ANKRD36C: variants seen among roughly 807,000 people sequenced by gnomAD.
ANKRD36C encodes ankyrin repeat domain-containing protein 36C.
A neutral mutation model predicts 276.4 loss-of-function variants in ANKRD36C; 61 were observed. The ratio of observed to expected loss-of-function variants is 0.22; its 90% confidence interval spans 0.18 to 0.27. The LOEUF (loss-of-function observed/expected upper bound fraction) is 0.27. Among genes scored for constraint, ANKRD36C ranks in the 10% least tolerant of loss-of-function variants. The pLI is 1.00. For missense variants in ANKRD36C, 1,447 were observed against 2,032.3 expected, an observed-to-expected ratio of 0.71 and a Z score of 5.54; for synonymous variants, 483 against 680.1, an observed-to-expected ratio of 0.71 and a Z score of 4.51.
chr2:95,955,879 C>T (rs1438124264), intron 13 of ANKRD36C, among the ~76,000 whole-genome samples: 1 of 152,138 alleles, frequency 6.6e-6, no homozygotes, highest in Non-Finnish European at 1.5e-5. Flanking sequence ...AAATTCTAAG[C>T]ACCTCTGATT....
chr2:95,982,272 C>T (rs1179354220), exon 4 of ANKRD36C: 49 of 1,547,338 alleles, frequency 3.2e-5, no homozygotes, highest in Admixed American at 7.9e-5. Context: ...AGATAATCAA[C>T]GGCATTTATA....
intron 48 of ANKRD36C, 24 bp downstream of exon 68, chr2:95,889,775 T>C (rs1157399846): frequency 3.2e-6 from 5 of 1,568,438 alleles, no homozygotes; most frequent in Non-Finnish European, 4.3e-6. Flanking sequence ...ACGAACATCC[T>C]ATTAAATGTG....
intron 44 of ANKRD36C, among the ~76,000 whole-genome samples, chr2:95,892,723 G>C (rs954125958): frequency 3.3e-5 from 5 of 151,348 alleles, no homozygotes; most frequent in East Asian, 2.0e-4. Context: ...CTTGTTGGGA[G>C]TATCACGTTG....
intron 36 of ANKRD36C, among the ~76,000 whole-genome samples, chr2:95,917,270 TA>T (rs1677126523): frequency 6.6e-6 from 1 of 151,638 alleles, no homozygotes; most frequent in African/African-American, 2.4e-5. Flanking sequence ...CAAAATCAAA[TA>T]TTTTTTAAGC....
chr2:95,889,470 C>G (rs1676282334), intron 48 of ANKRD36C, among the ~76,000 whole-genome samples: 1 of 151,540 alleles, frequency 6.6e-6, no homozygotes, highest in African/African-American at 2.4e-5. Context: ...ATATCTATTA[C>G]TTCATCTCTT....
chr2:95,903,168 G>C, intron 42 of ANKRD36C, 87 bp from the exon 53 acceptor site: 6 of 1,520,504 alleles, frequency 3.9e-6, no homozygotes, highest in Non-Finnish European at 4.4e-6. Context: ...ATCAACCTCT[G>C]TCCTCCTGCC....
chr2:95,941,813 C>T, intron 19 of ANKRD36C, among the ~76,000 whole-genome samples: 1 of 152,308 alleles, frequency 6.6e-6, no homozygotes, highest in East Asian at 1.9e-4. Flanking sequence ...GATAGATAAA[C>T]ATGGGGAGAA....
At chr2:95,882,309 A>G in exon 56 of ANKRD36C, 1 of 1,550,986 alleles carries the variant, frequency 6.4e-7, no homozygotes, top group Non-Finnish European at 8.7e-7. Context: ...TACCTGTTCC[A>G]GATTTCCAAC....
chr2:95,915,683 G>A (rs62153702), intron 38 of ANKRD36C, among the ~76,000 whole-genome samples: 1,552 of 151,544 alleles, frequency 0.01, 11 homozygotes, highest in Non-Finnish European at 0.016. Context: ...CACCCTTAAT[G>A]AAAAGATGCT....
At chr2:95,951,292 A>C (rs534114342) in intron 15 of ANKRD36C, 56 bp downstream of exon 15, 29 of 1,242,404 alleles carry the variant, frequency 2.3e-5, no homozygotes, top group Admixed American at 1.8e-4. Flanking sequence ...AAAAAAAAAA[A>C]AAAAACAAAT....
chr2:95,967,078 TA>T (rs1193172098), intron 6 of ANKRD36C, among the ~76,000 whole-genome samples: 1 of 152,204 alleles, frequency 6.6e-6, no homozygotes, highest in Admixed American at 6.5e-5. Context: ...GTTTTCTAAA[TA>T]TACCATCATG....
exon 34 of ANKRD36C, chr2:95,921,643 C>T (rs1187117091): frequency 3.7e-6 from 6 of 1,609,176 alleles, no homozygotes; most frequent in African/African-American, 1.3e-5. Flanking sequence ...ATTTCTGTGG[C>T]TATATTCGAA....
intron 7 of ANKRD36C, 39 bp downstream of exon 7, chr2:95,962,480 A>G (rs778208342): frequency 1.3e-6 from 2 of 1,595,340 alleles, no homozygotes; most frequent in Admixed American, 1.7e-5. Context: ...CACAGACTAT[A>G]TAGTTAATAG....
At chr2:95,967,620 C>T (rs973222468) in intron 6 of ANKRD36C, among the ~76,000 whole-genome samples, 2 of 151,910 alleles carry the variant, frequency 1.3e-5, no homozygotes, top group Non-Finnish European at 2.9e-5. Flanking sequence ...CCATTTGAGC[C>T]AGTAATCACA....
intron 64 of ANKRD36C, 97 bp from the exon 85 acceptor site, chr2:95,852,293 C>T: frequency 1.2e-6 from 1 of 861,196 alleles, no homozygotes; most frequent in Non-Finnish European, 1.8e-6. Flanking sequence ...ATATTTTAGA[C>T]TATCAGAATC....
chr2:95,918,084 T>C (rs991053418), intron 34 of ANKRD36C, 42 bp from the exon 37 acceptor site: 2 of 1,589,496 alleles, frequency 1.3e-6, no homozygotes, highest in Non-Finnish European at 1.7e-6. Flanking sequence ...TGTGTAAATA[T>C]GATAAAGTTA....
At chr2:95,982,263 G>T (rs1457701568) in exon 4 of ANKRD36C, 1 of 1,545,284 alleles carries the variant, frequency 6.5e-7, no homozygotes, top group South Asian at 1.2e-5. Flanking sequence ...TACCTGCCAA[G>T]ATAATCAACG....
At chr2:95,867,919 C>G (rs1388907014) in intron 59 of ANKRD36C, among the ~76,000 whole-genome samples, 1 of 151,808 alleles carries the variant, frequency 6.6e-6, no homozygotes, top group African/African-American at 2.4e-5. Flanking sequence ...TTTAGATTAC[C>G]CCATTTTACA....
chr2:95,915,446 G>A (rs1426319540), intron 38 of ANKRD36C, among the ~76,000 whole-genome samples: 1 of 151,488 alleles, frequency 6.6e-6, no homozygotes, highest in East Asian at 2.0e-4. Flanking sequence ...TCTGAAGTGA[G>A]TTCACTCAGG....
Sources: allele counts gnomAD v4.1 joint callset (sites outside exome capture counted in the v4.1 genomes callset), GRCh38; gene constraint gnomAD v4.1.1; transcripts MANE v1.5; gene names NCBI Gene and HGNC (gene_info 2026-07-23, HGNC 2026-07-21).